WDFY4: variants seen among roughly 807,000 people sequenced by gnomAD.
WDFY4 encodes the protein WDFY family member 4, also known as WD repeat- and FYVE domain-containing protein 4.
WDFY4 carries 169 observed loss-of-function variants against 351.9 expected under a neutral mutation model. That is an observed-to-expected ratio of 0.48 (90% confidence interval 0.42 to 0.55). WDFY4 has a LOEUF of 0.55. Ranked by LOEUF, WDFY4 falls within the 20% of genes least tolerant of loss-of-function variation. The pLI is 0.00. For missense variants in WDFY4, 3,803 were observed against 3,935.6 expected (o/e 0.97, Z 0.90); for synonymous variants, 1,622 against 1,574.6 (o/e 1.03, Z -0.71).
chr10:48,942,122 G>A (rs1840800805), intron 48 of WDFY4, among the ~76,000 whole-genome samples: 1 of 152,056 alleles, frequency 6.6e-6, no homozygotes, highest in African/African-American at 2.4e-5. Context: ...CTACCACTAG[G>A]CCAAGCGAAT....
chr10:48,721,509 C>G, intron 4 of WDFY4, 142 bp downstream of exon 4: 1 of 765,418 alleles, frequency 1.3e-6, no homozygotes, highest in East Asian at 2.7e-5. Flanking sequence ...TCCTCCCCTT[C>G]TGGTGTAGAA....
intron 12 of WDFY4, among the ~76,000 whole-genome samples, chr10:48,757,136 T>C (rs1410068069): frequency 1.3e-5 from 2 of 152,142 alleles, no homozygotes; most frequent in African/African-American, 4.8e-5. Context: ...AGGCAACTTA[T>C]TTCTTCTTGT....
chr10:48,877,403 C>T (rs1398137975), intron 43 of WDFY4, among the ~76,000 whole-genome samples: 3 of 152,274 alleles, frequency 2.0e-5, no homozygotes, highest in Non-Finnish European at 2.9e-5. Flanking sequence ...GAAGTCTATA[C>T]ATCCTGCATC....
intron 53 of WDFY4, among the ~76,000 whole-genome samples, chr10:48,960,736 A>G (rs1480004820): frequency 6.6e-6 from 1 of 152,248 alleles, no homozygotes; most frequent in Non-Finnish European, 1.5e-5. Context: ...CTCAGCAGTA[A>G]AAAGGAGCAG....
At chr10:48,939,583 G>A (rs1402993658) in intron 47 of WDFY4, among the ~76,000 whole-genome samples, 1 of 152,174 alleles carries the variant, frequency 6.6e-6, no homozygotes, top group Non-Finnish European at 1.5e-5. Context: ...AAACTTACAT[G>A]ATAATGATGG....
Position 48,959,661 on chromosome 10 carries a change from T to C in WDFY4, c.8132-61T>C, listed in dbSNP as rs941297378. ...AATCCTGGGCAATGTGTATTTTACA[T>C]CCCCCAGTTCCTAGCCTGATTTGAG... is the stretch of plus-strand genomic sequence containing the variant. On this transcript the variant is annotated intron_variant, in intron 52 of 61. Transcript: ENST00000325239. The C allele has an allele frequency of 1.9e-5, 28 of 1,454,322 alleles. No individual in the cohort carries two copies. The African/African-American group carries it at 3.7e-4, about 19-fold the overall frequency. The allele number at this position is 1,454,322 out of a possible 1,614,324, so 90.1% of individuals were successfully genotyped here.
intron 39 of WDFY4, among the ~76,000 whole-genome samples, chr10:48,865,231 A>T (rs2069501916): frequency 6.6e-6 from 1 of 152,042 alleles, no homozygotes; most frequent in African/African-American, 2.4e-5. Flanking sequence ...TGAGATTGAG[A>T]AAATTCTTTT....
intron 47 of WDFY4, among the ~76,000 whole-genome samples, chr10:48,924,186 T>G (rs1263355127): frequency 1.3e-5 from 2 of 152,184 alleles, no homozygotes; most frequent in Non-Finnish European, 2.9e-5. Context: ...TGGGGCACAG[T>G]GAACTTCCAC....
chr10:48,841,071 A>C (rs970309706), intron 39 of WDFY4, among the ~76,000 whole-genome samples: 1 of 152,264 alleles, frequency 6.6e-6, no homozygotes, highest in Non-Finnish European at 1.5e-5. Context: ...GTAAATTAGC[A>C]TACAATTATA....
intron 47 of WDFY4, among the ~76,000 whole-genome samples, chr10:48,916,634 G>A (rs1838562800): frequency 6.6e-6 from 1 of 152,202 alleles, no homozygotes; most frequent in South Asian, 2.1e-4. Context: ...AGTCGGGGGA[G>A]AAGAGATGCT....
chr10:48,842,237 C>A (rs774657581), intron 39 of WDFY4, among the ~76,000 whole-genome samples: 2 of 152,022 alleles, frequency 1.3e-5, no homozygotes, highest in South Asian at 4.2e-4. Flanking sequence ...CTGAATAGAA[C>A]TGGCAGAACC....
chr10:48,783,499 T>C (rs2066295242), intron 19 of WDFY4, among the ~76,000 whole-genome samples: 2 of 148,996 alleles, frequency 1.3e-5, no homozygotes, highest in Admixed American at 6.8e-5. Context: ...GTATATATCT[T>C]ATGTATAAAA....
intron 19 of WDFY4, among the ~76,000 whole-genome samples, 170 bp from the exon 20 acceptor site, chr10:48,786,469 A>C (rs2132696401): frequency 6.6e-6 from 1 of 152,256 alleles, no homozygotes; most frequent in Middle Eastern, 3.4e-3. Context: ...ACATTTAATA[A>C]CTTGTTTTGC....
chr10:48,778,717 G>A lies in WDFY4; in HGVS notation c.3282G>A (p.Thr1094=), dbSNP rs1025102712. 28 of 1,551,562 alleles carry A rather than the reference G, an allele frequency of 1.8e-5. No homozygotes were observed. Among genetic ancestry groups the A allele is most frequent in the East Asian group, 2.4e-5 (1 of 40,928 alleles). The change falls in exon 18 of 62, where the codon ACG becomes ACA. Residue 1094 remains threonine (T), a synonymous_variant. Coordinates refer to ENST00000325239, the MANE Select transcript of WDFY4 (RefSeq NM_001394531.1). ...AGGGCCACCCGCTGCGCTTCCTGAC[G>A]TTGGTGCGCCACCTGGCCAGGACTG... ...ATEGHPLRFL[T]LVRHLARTEQ...
At chr10:48,911,064 A>G (rs936389376) in intron 47 of WDFY4, 1 of 235,322 alleles carries the variant, frequency 4.2e-6, no homozygotes, top group South Asian at 1.5e-4. Context: ...CGTGGACTCT[A>G]TACCTTTTGG....
chr10:48,918,740 T>C (rs1051435262), intron 47 of WDFY4, among the ~76,000 whole-genome samples: 4 of 133,262 alleles, frequency 3.0e-5, no homozygotes, highest in Non-Finnish European at 6.9e-5. Context: ...TAATTATTTG[T>C]TGTCAGCAGG....
At position 48,890,717 on chromosome 10, in the gene WDFY4, T is replaced by A; in HGVS notation, c.7306T>A (p.Cys2436Ser). 1 of 1,551,738 alleles carries A rather than the reference T, an allele frequency of 6.4e-7. No individual in the cohort carries two copies. Among genetic ancestry groups the A allele is most frequent in the Non-Finnish European group, 8.7e-7 (1 of 1,146,986 alleles). Reference protein sequence around the residue: ...PTGDVYCTRHCLSNISDPFIF... With the variant: ...PTGDVYCTRHSLSNISDPFIF... ...GGGTGATGTCTACTGTACCCGTCAC[T>A]GCTTATCCAAGTGAGTTATCCACTT... Residue 2436 changes from cysteine (C) to serine (S), a missense_variant, in exon 44 of 62, where the codon TGC (cysteine) becomes AGC (serine). Cys to Ser is a moderately radical substitution (Grantham distance 112, BLOSUM62 -1). Around this residue, in one of 3 missense-constraint regions of WDFY4, gnomAD observed 3,054 missense variants for 3,148.6 expected, o/e 0.97. Coordinates refer to ENST00000325239, the MANE Select transcript of WDFY4 (RefSeq NM_001394531.1).
chr10:48,782,765 G>A (rs1238454214), intron 19 of WDFY4, among the ~76,000 whole-genome samples: 1 of 152,178 alleles, frequency 6.6e-6, no homozygotes, highest in African/African-American at 2.4e-5. Flanking sequence ...ATTGCCAAAG[G>A]AAACTTACAT....
At chr10:48,751,410 C>A (rs1278041399) in intron 12 of WDFY4, among the ~76,000 whole-genome samples, 1 of 152,150 alleles carries the variant, frequency 6.6e-6, no homozygotes, top group Non-Finnish European at 1.5e-5. Flanking sequence ...GATGGATGGG[C>A]AGAGATGATG....
Sources: gnomAD v4.1 joint callset for allele counts (sites outside exome capture counted in the v4.1 genomes callset) on GRCh38, gnomAD v4.1.1 for gene constraint, gnomAD v4.1.1 regional missense constraint, MANE v1.5 for transcripts, NCBI Gene and HGNC (gene_info 2026-07-23, HGNC 2026-07-21) for gene names.